ELAVL2: variants seen among roughly 807,000 people sequenced by gnomAD.
ELAVL2 encodes ELAV like RNA binding protein 2, also known as ELAV-like protein 2.
In ELAVL2, 4 loss-of-function variants were observed where a neutral mutation model predicts 34.6. The observed-to-expected ratio is 0.12, with a 90% CI of 0.06 to 0.26. ELAVL2 has a LOEUF of 0.26. Among genes scored for constraint, ELAVL2 ranks in the 10% least tolerant of loss-of-function variants. ELAVL2 has a pLI of 1.00. For missense variants in ELAVL2, 432 were observed against 442.8 expected (o/e 0.98, Z 0.22); for synonymous variants, 193 against 154.8 (o/e 1.25, Z -1.83).
intron 1 of ELAVL2, among the ~76,000 whole-genome samples, chr9:23,795,509 G>C (rs1224788673): frequency 6.6e-6 from 1 of 152,068 alleles, no homozygotes; most frequent in Non-Finnish European, 1.5e-5. Flanking sequence ...CGCCACTGCT[G>C]TCCAGCCTGA....
chr9:23,721,030 T>C lies in ELAVL2; in HGVS notation c.333+9992A>G, dbSNP rs568147731. 1.3e-3 allele frequency among the ~76,000 whole-genome samples: 194 copies of C among 152,330 alleles called. 1 individual carries two copies. In the Middle Eastern group the frequency reaches 0.014, roughly 11 times the overall value. On this transcript the variant is annotated intron_variant, in intron 3 of 6. Transcript: ENST00000397312. The stretch of plus-strand genomic sequence containing the variant: ...GAAATAATCCTCAAAACTCTGGGCA[T>C]ATTAGGGTTTCCTAGATAGCTCATA...
chr9:23,737,017 C>T (rs2048053723), intron 2 of ELAVL2, among the ~76,000 whole-genome samples: 1 of 152,168 alleles, frequency 6.6e-6, no homozygotes, highest in Admixed American at 6.5e-5. Flanking sequence ...TTGCCCCATC[C>T]CCAGTGCACA....
intron 2 of ELAVL2, among the ~76,000 whole-genome samples, chr9:23,738,944 G>T (rs1213471954): frequency 3.3e-5 from 5 of 152,110 alleles, no homozygotes; most frequent in Non-Finnish European, 5.9e-5. Flanking sequence ...TGGCAATGCG[G>T]CATGACCCTG....
At chr9:23,731,942 T>C (rs571893869) in intron 2 of ELAVL2, among the ~76,000 whole-genome samples, 7 of 152,168 alleles carry the variant, frequency 4.6e-5, no homozygotes, top group Admixed American at 4.6e-4. Flanking sequence ...TCTCAGACAA[T>C]GGGAGCTATC....
Position 23,794,600 on chromosome 9 carries a change from T to G in ELAVL2, c.-16+31206A>C, listed in dbSNP as rs188607845. On this transcript the variant is annotated intron_variant, in intron 1 of 6. Coordinates refer to ENST00000397312, the MANE Select transcript of ELAVL2 (RefSeq NM_004432.5). ...TTCCTAGAATTTGAGAATTCCAAAG[T>G]ATCAACCATTTTTACATCAAATAAC... Among the ~76,000 whole-genome samples, 365 of 152,328 alleles carry G rather than the reference T, an allele frequency of 2.4e-3. 1 individual carries two copies. Among genetic ancestry groups the G allele is most frequent in the African/African-American group, 8.1e-3 (338 of 41,562 alleles).
rs552449667 is a variant in ELAVL2 at position 23,825,582 on chromosome 9, C to G, written c.-16+224G>C. ...TACTCCCCCCTGGCCACATTTACCA[C>G]TTAAGTTTCTGCCATGGACATTTAC... On this transcript the variant is annotated intron_variant, in intron 1 of 6. Transcript: ENST00000397312. Among the ~76,000 whole-genome samples the G allele has an allele frequency of 2.0e-5, 3 of 152,326 alleles. No homozygotes were observed. The East Asian group carries it at 5.8e-4, about 29-fold the overall frequency.
chr9:23,720,837 T>A (rs1468547760), intron 3 of ELAVL2, among the ~76,000 whole-genome samples: 1 of 152,194 alleles, frequency 6.6e-6, no homozygotes, highest in Non-Finnish European at 1.5e-5. Flanking sequence ...TGCTTAAGAA[T>A]CACCTGTGGT....
intron 1 of ELAVL2, among the ~76,000 whole-genome samples, chr9:23,822,633 G>A (rs570720470): frequency 3.2e-4 from 48 of 152,192 alleles, no homozygotes; most frequent in Admixed American, 5.9e-4. Flanking sequence ...CACGCGGCTG[G>A]AGCACGTTTT....
chr9:23,758,030 G>C (rs2053993629), intron 2 of ELAVL2, among the ~76,000 whole-genome samples: 1 of 152,206 alleles, frequency 6.6e-6, no homozygotes, highest in African/African-American at 2.4e-5. Context: ...CCTGTAGAGT[G>C]ACTCCAGAGT....
At chr9:23,797,027 A>T (rs2061014425) in intron 1 of ELAVL2, among the ~76,000 whole-genome samples, 1 of 152,198 alleles carries the variant, frequency 6.6e-6, no homozygotes, top group Admixed American at 6.5e-5. Flanking sequence ...ATGACATGGT[A>T]GCCAATTTAG....
At chr9:23,696,348 A>C (rs189361665) in intron 5 of ELAVL2, among the ~76,000 whole-genome samples, 5 of 152,340 alleles carry the variant, frequency 3.3e-5, no homozygotes, top group African/African-American at 4.8e-5. Context: ...AGCAGTTGGC[A>C]AACTGTAACA....
chr9:23,812,344 A>C (rs1411536883), intron 1 of ELAVL2, among the ~76,000 whole-genome samples: 2 of 152,134 alleles, frequency 1.3e-5, no homozygotes. Context: ...CTCAAAAACA[A>C]AATTAGATTA....
chr9:23,804,465 A>G (rs985793464), intron 1 of ELAVL2, among the ~76,000 whole-genome samples: 1 of 152,182 alleles, frequency 6.6e-6, no homozygotes, highest in Non-Finnish European at 1.5e-5. Flanking sequence ...AGATCAGCAC[A>G]TACTCTTTAT....
chr9:23,770,772 G>A (rs931617281), intron 1 of ELAVL2, among the ~76,000 whole-genome samples: 1 of 152,126 alleles, frequency 6.6e-6, no homozygotes, highest in Non-Finnish European at 1.5e-5. Flanking sequence ...GGAATTTTAA[G>A]ACAATAAATC....
At chr9:23,759,090 C>T (rs756789506) in intron 2 of ELAVL2, among the ~76,000 whole-genome samples, 46 of 152,104 alleles carry the variant, frequency 3.0e-4, no homozygotes, top group Non-Finnish European at 2.1e-4. Flanking sequence ...GAAATGAAAT[C>T]AATTTGTCAA....
chr9:23,750,482 A>T (rs1564265890), intron 2 of ELAVL2, among the ~76,000 whole-genome samples: 1 of 152,192 alleles, frequency 6.6e-6, no homozygotes, highest in Non-Finnish European at 1.5e-5. Context: ...GTTAGATTTT[A>T]AGATATTAGA....
rs1177513678 is a variant in ELAVL2, at chr9:23,697,734, A to G, written c.713+3645T>C. 3.3e-5 allele frequency among the ~76,000 whole-genome samples: 5 copies of G among 152,196 alleles called. No individual in the cohort carries two copies. The East Asian group carries it at 9.6e-4, about 29-fold the overall frequency. On this transcript the variant is annotated intron_variant, in intron 5 of 6. Transcript: ENST00000397312. ...AAAGTACCTGCCTAATTTCTAAAAA[A>G]ATTAGCTGATGGACTATGGGAAGGC... is the stretch of plus-strand genomic sequence containing the variant.
At chr9:23,783,836 T>C (rs1588470841) in intron 1 of ELAVL2, among the ~76,000 whole-genome samples, 1 of 151,980 alleles carries the variant, frequency 6.6e-6, no homozygotes, top group Middle Eastern at 3.4e-3. Context: ...CCATGTGCAC[T>C]AGGCTCTCTG....
chr9:23,787,418 G>C (rs1003458732), intron 1 of ELAVL2, among the ~76,000 whole-genome samples: 1 of 151,876 alleles, frequency 6.6e-6, no homozygotes, highest in Admixed American at 6.6e-5. Flanking sequence ...TTTTAATAGA[G>C]ATGGGTTTCC....
Sources: gnomAD v4.1 joint callset for allele counts (sites outside exome capture counted in the v4.1 genomes callset) on GRCh38, gnomAD v4.1.1 for gene constraint, MANE v1.5 for transcripts, NCBI Gene and HGNC (gene_info 2026-07-23, HGNC 2026-07-21) for gene names.